Variants in PPM1B observed in about 807,000 individuals in gnomAD.
The protein encoded by PPM1B is protein phosphatase 1B.
Under a neutral mutation model 43.0 loss-of-function variants are expected in PPM1B, and 22 were observed. That is an observed-to-expected ratio of 0.51 (90% confidence interval 0.37 to 0.73). PPM1B has a LOEUF of 0.73. PPM1B is among the 30% of genes least tolerant of loss of function. The pLI is 0.00. For missense variants in PPM1B, 632 were observed against 584.2 expected (o/e 1.08, Z -0.84); for synonymous variants, 217 against 197.9 (o/e 1.10, Z -0.81).
At chr2:44,232,429 A>G (rs545590815), downstream of PPM1B, 10 of 1,580,152 alleles carry the variant, frequency 6.3e-6, no homozygotes, top group African/African-American at 1.4e-5. Flanking sequence ...TACAAGGGGA[A>G]AATATTCTTG....
In PPM1B at chr2:44,201,368, G is replaced by A; in HGVS notation, c.169G>A (p.Ala57Thr). Reference sequence around the variant, plus strand: ...CGGCTTGGAAGACTGGTCATTTTTTGCAGTTTATGATGGTCATGCTGGATC... The same window carrying A: ...CGGCTTGGAAGACTGGTCATTTTTTACAGTTTATGATGGTCATGCTGGATC... Reference protein sequence around the residue: ...PHGLEDWSFFAVYDGHAGSRV... With the variant: ...PHGLEDWSFFTVYDGHAGSRV... The change falls in exon 2 of 6, where the codon GCA becomes ACA. Residue 57 changes from alanine (A) to threonine (T), a missense_variant. Coordinates refer to ENST00000282412, the MANE Select transcript of PPM1B (RefSeq NM_002706.6). This position sits in a 1 kb window ranked among gnomAD's most constrained non-coding sequence, Gnocchi z 5.4. 1 of 1,613,830 alleles carries A rather than the reference G, an allele frequency of 6.2e-7. No individual in the cohort carries two copies. Among genetic ancestry groups the A allele is most frequent in the Non-Finnish European group, 8.5e-7 (1 of 1,179,916 alleles).
chr2:44,244,344 T>A, exon 6 of PPM1B: 1 of 1,359,434 alleles, frequency 7.4e-7, no homozygotes, highest in Non-Finnish European at 9.8e-7. Context: ...GGTTTTTTTG[T>A]AAACCCGAAC....
intron 5 of PPM1B, among the ~76,000 whole-genome samples, chr2:44,224,252 G>A (rs1670110905): frequency 6.6e-6 from 1 of 152,046 alleles, no homozygotes; most frequent in Non-Finnish European, 1.5e-5. Context: ...TCAGGAGATT[G>A]AGACCATCCT....
chr2:44,232,577 G>A (rs1186213799), downstream of PPM1B: 6 of 1,366,250 alleles, frequency 4.4e-6, no homozygotes, highest in South Asian at 1.7e-5. Context: ...AGGCATACTC[G>A]TTACATCTGT....
rs982160250 is a variant in PPM1B at position 44,231,046 on chromosome 2, A to T, written c.*328A>T. On this transcript the variant is annotated 3_prime_UTR_variant, in exon 6 of 6. Coordinates refer to ENST00000282412, the MANE Select transcript of PPM1B (RefSeq NM_002706.6). ...TTGATTAGAGAGATTATGCTATATT[A>T]TGGAAAAACTTGTTAATGTAGAATT... The T allele has an allele frequency of 2.2e-6, 2 of 924,634 alleles. No individual in the cohort carries two copies. The highest frequency in any genetic ancestry group is 3.6e-5 in the African/African-American group (2 of 55,890). The allele number at this position is 924,634 out of a possible 1,614,324, so 57.3% of individuals were successfully genotyped here. A position where few individuals can be genotyped will look rare whatever the true frequency, so the allele number is the denominator to read the frequency against.
intron 5 of PPM1B, among the ~76,000 whole-genome samples, chr2:44,228,161 A>T (rs1292938071): frequency 7.1e-6 from 1 of 140,502 alleles, no homozygotes; most frequent in East Asian, 2.1e-4. Context: ...TGACCTCGTG[A>T]TCCACCCGCC....
chr2:44,231,542 A>T (rs968196083), downstream of PPM1B: 1 of 759,988 alleles, frequency 1.3e-6, no homozygotes, highest in Admixed American at 6.3e-5. Flanking sequence ...AAGAATACCC[A>T]TTAGAAATTC....
chr2:44,201,313 TGCA>T lies in PPM1B; in HGVS notation c.115_117del (p.Ala39del), dbSNP rs772932048. ...AAGGATGGAGAGTGGAAATGGAAGA[TGCA>T]CACACAGCTGTTGTAGGTATTCCTC... On this transcript the variant is annotated inframe_deletion, in exon 2 of 6. Transcript: ENST00000282412. The surrounding 1 kb of genome is among the most constrained non-coding windows in gnomAD (Gnocchi z 5.4). 1 of 1,614,220 alleles carries T rather than the reference TGCA, an allele frequency of 6.2e-7. No homozygotes were observed. Among genetic ancestry groups the T allele is most frequent in the Non-Finnish European group, 8.5e-7 (1 of 1,180,030 alleles).
chr2:44,223,654 A>G (rs1480343514), intron 5 of PPM1B, among the ~76,000 whole-genome samples: 1 of 150,660 alleles, frequency 6.6e-6, no homozygotes, highest in Non-Finnish European at 1.5e-5. Context: ...CTAAAAATAC[A>G]AAAAAAACAA....
intron 1 of PPM1B, among the ~76,000 whole-genome samples, chr2:44,172,417 G>C (rs963150549): frequency 2.0e-5 from 3 of 152,196 alleles, no homozygotes. Flanking sequence ...GTAGTTGGCT[G>C]TCATAAAATT....
chr2:44,209,975 TTTTTTCTTTC>T (rs1381121452), intron 3 of PPM1B, among the ~76,000 whole-genome samples: 1 of 152,158 alleles, frequency 6.6e-6, no homozygotes, highest in East Asian at 1.9e-4. Flanking sequence ...TGCTGGTTTA[TTTTTTCTTTC>T]TTTTTCTTTC....
chr2:44,231,428 A>T lies in PPM1B; in HGVS notation c.*710A>T, dbSNP rs1044504466. The T allele has an allele frequency of 8.2e-6, 8 of 974,580 alleles. No individual in the cohort carries two copies. The highest frequency in any genetic ancestry group is 9.8e-6 in the Non-Finnish European group (8 of 820,020). 60.4% of individuals were successfully genotyped at this position (974,580 alleles called of 1,614,324 possible). ...TCAACCAAGTGTTTAGAATGAAATT[A>T]TAAGTGTTTAAGTCCAAATAAAGCA... is the stretch of plus-strand genomic sequence containing the variant. On this transcript the variant is annotated 3_prime_UTR_variant, in exon 6 of 6. Transcript: ENST00000282412.
At chr2:44,193,967 A>G (rs1454532842) in intron 1 of PPM1B, among the ~76,000 whole-genome samples, 2 of 152,124 alleles carry the variant, frequency 1.3e-5, no homozygotes, top group African/African-American at 2.4e-5. Flanking sequence ...TCCTACCTTG[A>G]ACTCCCAAAG....
At chr2:44,203,473 T>TA (rs35438620) in intron 2 of PPM1B, among the ~76,000 whole-genome samples, 84,811 of 151,178 alleles carry the variant, frequency 0.56, 24,374 homozygotes, top group Admixed American at 0.68. Flanking sequence ...TCCCCAATTA[T>TA]AAAAAAAAGG....
downstream of PPM1B, among the ~76,000 whole-genome samples, chr2:44,235,856 G>C (rs1226658265): frequency 1.3e-5 from 2 of 151,998 alleles, no homozygotes; most frequent in Admixed American, 6.6e-5. Flanking sequence ...CTATGATCCA[G>C]CCACTGCACA....
At chr2:44,193,602 C>CA (rs1240883566) in intron 1 of PPM1B, among the ~76,000 whole-genome samples, 1 of 127,694 alleles carries the variant, frequency 7.8e-6, no homozygotes, top group Non-Finnish European at 1.6e-5. Context: ...TTTTGAGAGA[C>CA]AGAGTCTCGC....
At chr2:44,177,603 G>C (rs1670444883) in intron 1 of PPM1B, among the ~76,000 whole-genome samples, 1 of 151,704 alleles carries the variant, frequency 6.6e-6, no homozygotes, top group Admixed American at 6.6e-5. Context: ...ATTTTTAGTA[G>C]AGACAGGGGT....
At chr2:44,237,068 A>G (rs530884403), downstream of PPM1B, among the ~76,000 whole-genome samples, 25 of 152,380 alleles carry the variant, frequency 1.6e-4, no homozygotes, top group African/African-American at 5.8e-4. Context: ...TTAATTTCAA[A>G]GCAATTCTGA....
At chr2:44,190,971 A>G (rs776109377) in intron 1 of PPM1B, among the ~76,000 whole-genome samples, 15 of 152,308 alleles carry the variant, frequency 9.8e-5, no homozygotes, top group Middle Eastern at 6.8e-3. Context: ...TTCTTAACAT[A>G]AGGATCCATG....
Sources: gnomAD v4.1 joint callset for allele counts (sites outside exome capture counted in the v4.1 genomes callset) on GRCh38, gnomAD v4.1.1 for gene constraint, Gnocchi (gnomAD v3.1) non-coding constraint, MANE v1.5 for transcripts, NCBI Gene and HGNC (gene_info 2026-07-23, HGNC 2026-07-21) for gene names.